The following IGF2BP3 variants were observed in gnomAD, a reference collection of about 807,000 sequenced individuals.
IGF2BP3 encodes the protein insulin like growth factor 2 mRNA binding protein 3, also known as insulin-like growth factor 2 mRNA-binding protein 3.
Under a neutral mutation model 73.8 loss-of-function variants are expected in IGF2BP3, and 9 were observed. That is an observed-to-expected ratio of 0.12 (90% confidence interval 0.07 to 0.21). The LOEUF (loss-of-function observed/expected upper bound fraction) is 0.21, where lower values mean the gene tolerates loss of function less well. IGF2BP3 is among the 10% of genes least tolerant of loss of function. The pLI is 1.00. For synonymous variants in IGF2BP3, 258 were observed against 256.7 expected, an observed-to-expected ratio of 1.01 and a Z score of -0.05; for missense variants, 542 against 714.0, an observed-to-expected ratio of 0.76 and a Z score of 2.75.
At chr7:23,395,443 TCA>T (rs1786421995) in intron 3 of IGF2BP3, among the ~76,000 whole-genome samples, 1 of 151,946 alleles carries the variant, frequency 6.6e-6, no homozygotes, top group African/African-American at 2.4e-5. Flanking sequence ...TGTAAGAACT[TCA>T]GTGATTTCTG....
At chr7:23,395,895 C>T (rs1392294417) in intron 3 of IGF2BP3, among the ~76,000 whole-genome samples, 1 of 152,042 alleles carries the variant, frequency 6.6e-6, no homozygotes, top group African/African-American at 2.4e-5. Context: ...CACTGCACTC[C>T]AGCCTGGGCA....
intron 3 of IGF2BP3, among the ~76,000 whole-genome samples, chr7:23,378,386 A>G (rs1363848993): frequency 7.5e-6 from 1 of 133,564 alleles, no homozygotes; most frequent in Non-Finnish European, 1.5e-5. Flanking sequence ...AGGAAAATAG[A>G]CATTTCTCTT....
chr7:23,344,958 T>C (rs996724120), intron 8 of IGF2BP3, among the ~76,000 whole-genome samples: 4 of 152,244 alleles, frequency 2.6e-5, no homozygotes, highest in African/African-American at 9.6e-5. Context: ...GATTTTTTTC[T>C]TTTAAAACTC....
intron 13 of IGF2BP3, 47 bp downstream of exon 13, chr7:23,313,475 A>G: frequency 6.3e-7 from 1 of 1,598,674 alleles, no homozygotes; most frequent in South Asian, 1.1e-5. Context: ...GTACCTTTCA[A>G]CGCTTTCCCT....
At chr7:23,430,177 G>A (rs1323963377) in intron 2 of IGF2BP3, among the ~76,000 whole-genome samples, 3 of 150,050 alleles carry the variant, frequency 2.0e-5, no homozygotes, top group East Asian at 2.0e-4. Flanking sequence ...TCCACCTCCC[G>A]GGTTCAAGCG....
At position 23,367,658 on chromosome 7, in the gene IGF2BP3, T is replaced by C. The variant is rs116244602; in HGVS notation, c.286-5917A>G. On this transcript the variant is annotated intron_variant, in intron 3 of 14. Transcript: ENST00000258729. ...ATGTCTTTCTAGAATTCCCCCGTTA[T>C]GTATTTAGGACGTGAAACCCTCAAA... Among the ~76,000 whole-genome samples the C allele has an allele frequency of 9.1e-3, 1,382 of 152,174 alleles. 20 individuals are homozygous for C. The highest frequency in any genetic ancestry group is 0.031 in the African/African-American group (1,296 of 41,496).
rs1784027148 is a variant in IGF2BP3 at position 23,317,625 on chromosome 7, T to TC, written c.1395+13dup. Reference sequence around the variant, plus strand: ...TGTTACCTGTGGACATAGCACATACTCTAGAGCACATACCTTGAACTGAGC... The same window carrying TC: ...TGTTACCTGTGGACATAGCACATACTCCTAGAGCACATACCTTGAACTGAGC... On this transcript the variant is annotated intron_variant, in intron 12 of 14. Coordinates refer to ENST00000258729, the MANE Select transcript of IGF2BP3 (RefSeq NM_006547.3). The TC allele has an allele frequency of 6.2e-7, 1 of 1,609,492 alleles. No homozygotes were observed.
At chr7:23,367,446 C>T (rs1396437382) in intron 3 of IGF2BP3, among the ~76,000 whole-genome samples, 6 of 133,552 alleles carry the variant, frequency 4.5e-5, no homozygotes, top group African/African-American at 1.9e-4. Flanking sequence ...TCTTAAAGGC[C>T]AAAAAAAAAA....
rs566166540 is a variant in IGF2BP3 at position 23,450,496 on chromosome 7, A to G, written c.236+17986T>C. 2.0e-5 allele frequency among the ~76,000 whole-genome samples: 3 copies of G among 152,300 alleles called. No individual in the cohort carries two copies. In the South Asian group the frequency reaches 6.2e-4, roughly 32 times the overall value. On this transcript the variant is annotated intron_variant, in intron 2 of 14. Transcript: ENST00000258729. ...AAAACTAGTATTTTGAAAAACTTCT[A>G]TCTATTACCAATGAGCTTTGACAGC...
intron 5 of IGF2BP3, among the ~76,000 whole-genome samples, chr7:23,361,031 AT>A (rs1785212329): frequency 6.6e-6 from 1 of 152,100 alleles, no homozygotes; most frequent in African/African-American, 2.4e-5. Flanking sequence ...ACTGGAATAT[AT>A]TTTTTTCCAT....
At chr7:23,321,527 G>C (rs1393626556) in intron 10 of IGF2BP3, among the ~76,000 whole-genome samples, 5 of 152,212 alleles carry the variant, frequency 3.3e-5, no homozygotes, top group Non-Finnish European at 7.3e-5. Context: ...GGCTTGCTTA[G>C]GTAAACAAAG....
intron 3 of IGF2BP3, among the ~76,000 whole-genome samples, chr7:23,363,355 C>T (rs1785280658): frequency 6.6e-6 from 1 of 152,124 alleles, no homozygotes; most frequent in African/African-American, 2.4e-5. Context: ...AAGCAACCCT[C>T]CCACCCCAGC....
intron 10 of IGF2BP3, among the ~76,000 whole-genome samples, chr7:23,322,507 A>G (rs1337381145): frequency 6.6e-6 from 1 of 152,242 alleles, no homozygotes; most frequent in Non-Finnish European, 1.5e-5. Context: ...GCAGGATATT[A>G]TGCAGGAGAA....
At chr7:23,366,935 C>T (rs1479097500) in intron 3 of IGF2BP3, among the ~76,000 whole-genome samples, 3 of 151,254 alleles carry the variant, frequency 2.0e-5, no homozygotes, top group Admixed American at 6.6e-5. Flanking sequence ...CTCCAGCCCA[C>T]TGAACTCTCA....
In IGF2BP3 at chr7:23,440,192, G is replaced by A. The variant is rs541120306; in HGVS notation, c.237-21368C>T. ...GCAGGAGAATCACTGGAACCCAGGA[G>A]GCAGAGGTTGCAGTGAGCCAAGATC... is the stretch of plus-strand genomic sequence containing the variant. On this transcript the variant is annotated intron_variant, in intron 2 of 14. Coordinates refer to ENST00000258729, the MANE Select transcript of IGF2BP3 (RefSeq NM_006547.3). Among the ~76,000 whole-genome samples the A allele has an allele frequency of 2.6e-5, 4 of 152,210 alleles. No individual in the cohort carries two copies. In the South Asian group the frequency reaches 8.3e-4, roughly 32 times the overall value.
chr7:23,320,955 AAAAAAAAAAAAAAAGAAAAAAC>A (rs1424344004), intron 10 of IGF2BP3, among the ~76,000 whole-genome samples: 5 of 53,508 alleles, frequency 9.3e-5, no homozygotes, highest in African/African-American at 1.7e-4. Flanking sequence ...CTCAAAAAAA[AAAAAAAAAAAAAAAGAAAAAAC>A]AAAAAAGAAA....
intron 3 of IGF2BP3, among the ~76,000 whole-genome samples, chr7:23,386,853 G>C (rs1786098513): frequency 6.6e-6 from 1 of 152,138 alleles, no homozygotes; most frequent in Non-Finnish European, 1.5e-5. Context: ...GATCACCTGA[G>C]GTCAGGAGTT....
intron 2 of IGF2BP3, among the ~76,000 whole-genome samples, chr7:23,459,552 G>A (rs951724832): frequency 1.3e-5 from 2 of 152,122 alleles, no homozygotes; most frequent in Non-Finnish European, 2.9e-5. Flanking sequence ...TGGACTTGGG[G>A]CCAGGTGCGG....
chr7:23,316,750 A>AG (rs1167071345), intron 12 of IGF2BP3, among the ~76,000 whole-genome samples: 2 of 151,974 alleles, frequency 1.3e-5, no homozygotes, highest in African/African-American at 4.8e-5. Flanking sequence ...CACAGCCACT[A>AG]AATGTTCTAA....
Sources: gnomAD v4.1 joint callset for allele counts (sites outside exome capture counted in the v4.1 genomes callset) on GRCh38, gnomAD v4.1.1 for gene constraint, MANE v1.5 for transcripts, NCBI Gene and HGNC (gene_info 2026-07-23, HGNC 2026-07-21) for gene names.